UBOX5: variants seen among roughly 807,000 people sequenced by gnomAD.
UBOX5 encodes RING finger protein 37.
Under a neutral mutation model 39.0 loss-of-function variants are expected in UBOX5, and 28 were observed. That is an observed-to-expected ratio of 0.72 (90% CI 0.53 to 0.98). UBOX5 has a LOEUF of 0.98. UBOX5 is among the 50% of genes least tolerant of loss of function. The pLI is 0.00. For synonymous variants in UBOX5, 283 were observed against 275.5 expected, an observed-to-expected ratio of 1.03 and a Z score of -0.27; for missense variants, 585 against 674.4, an observed-to-expected ratio of 0.87 and a Z score of 1.47.
At position 3,149,816 on chromosome 20, in the gene UBOX5, A is replaced by C. The variant is rs2066606106; in HGVS notation, c.-42+9950T>G. The stretch of plus-strand genomic sequence containing the variant: ...GCAGATCACTTGAGGTCAGGAGTTC[A>C]AGACCAGCCTGGCCAACAAGGCGAA... On this transcript the variant is annotated intron_variant, in intron 1 of 4. Transcript: ENST00000217173. The surrounding 1 kb of genome is among the most constrained non-coding windows in gnomAD (Gnocchi z 4.1). Among the ~76,000 whole-genome samples the C allele has an allele frequency of 6.6e-6, 1 of 152,108 alleles. No individual in the cohort carries two copies. The highest frequency in any genetic ancestry group is 2.4e-5 in the African/African-American group (1 of 41,420).
chr20:3,128,716 A>T (rs569097451), intron 1 of UBOX5, among the ~76,000 whole-genome samples: 1 of 152,168 alleles, frequency 6.6e-6, no homozygotes, highest in Admixed American at 6.5e-5. Context: ...TAAAAAGATT[A>T]GTTAGGTGTG....
chr20:3,110,072 C>A lies in UBOX5; in HGVS notation c.*34G>T. 2 of 1,605,888 alleles carry A rather than the reference C, an allele frequency of 1.2e-6. No homozygotes were observed. The highest frequency in any genetic ancestry group is 4.5e-4 in the Middle Eastern group (2 of 4,446). The stretch of plus-strand genomic sequence containing the variant: ...GCTCCTGTTCCCCCTCAGCTCCTCC[C>A]AGCAATGGGTCTCCTCCAGTGGAGG... On this transcript the variant is annotated 3_prime_UTR_variant, in exon 5 of 5. Transcript: ENST00000217173.
Position 3,121,555 on chromosome 20 carries a change from G to C in UBOX5, c.1084C>G (p.Gln362Glu). The part of the protein sequence containing the change: ...VIPSSIVLPS[Q>E]KRKIEQAEHV... ...TCAGCCTGCTCTATCTTCCTTTTCT[G>C]AGAGGGCAGAACAATGGAAGAAGGG... The change falls in exon 3 of 5, where the codon CAG becomes GAG. Residue 362 changes from glutamine to glutamate, a missense_variant. Transcript: ENST00000217173. 1 of 1,609,668 alleles carries C rather than the reference G, an allele frequency of 6.2e-7. No homozygotes were observed. Among genetic ancestry groups the C allele is most frequent in the Non-Finnish European group, 8.5e-7 (1 of 1,177,830 alleles).
At chr20:3,133,770 A>G (rs2066448324) in intron 1 of UBOX5, among the ~76,000 whole-genome samples, 2 of 150,100 alleles carry the variant, frequency 1.3e-5, no homozygotes, top group Admixed American at 1.3e-4. Flanking sequence ...GGGGGGAAAC[A>G]GGCTCTCACT....
At chr20:3,143,698 G>C (rs2066537267) in intron 1 of UBOX5, among the ~76,000 whole-genome samples, 1 of 152,162 alleles carries the variant, frequency 6.6e-6, no homozygotes, top group Admixed American at 6.5e-5. Context: ...GGGAGGCTGG[G>C]CAGAGAACTG....
At chr20:3,151,984 A>G (rs1240940839) in intron 1 of UBOX5, 2 of 151,484 alleles carry the variant, frequency 1.3e-5, no homozygotes, top group Non-Finnish European at 2.9e-5. Flanking sequence ...ATGAGCGTGT[A>G]ATCCCAGCCA....
chr20:3,115,511 C>A, intron 3 of UBOX5, 45 bp from the exon 4 acceptor site: 1 of 1,556,906 alleles, frequency 6.4e-7, no homozygotes, highest in Non-Finnish European at 8.7e-7. Context: ...ACAGGCTCCG[C>A]AAAAGAGAAC....
chr20:3,135,588 G>A (rs1040885487), intron 1 of UBOX5, among the ~76,000 whole-genome samples: 2 of 152,074 alleles, frequency 1.3e-5, no homozygotes, highest in African/African-American at 2.4e-5. Context: ...TGAGAATTAA[G>A]AACTTAAATT....
chr20:3,110,469 C>T (rs2422845), intron 4 of UBOX5, 155 bp from the exon 5 acceptor site: 54 of 820,690 alleles, frequency 6.6e-5, no homozygotes, highest in Non-Finnish European at 1.0e-4. Flanking sequence ...GGAGTGGAAG[C>T]GGGAGAGGGA....
intron 1 of UBOX5, among the ~76,000 whole-genome samples, chr20:3,127,589 G>C (rs2066400570): frequency 6.6e-6 from 1 of 152,102 alleles, no homozygotes; most frequent in Non-Finnish European, 1.5e-5. Context: ...ACATCACCGA[G>C]AGCAAAGCTC....
chr20:3,127,171 T>A (rs1054189652), intron 1 of UBOX5, among the ~76,000 whole-genome samples: 3 of 151,750 alleles, frequency 2.0e-5, no homozygotes, highest in Non-Finnish European at 4.4e-5. Flanking sequence ...GGCAGACCTC[T>A]CCAGTGGAAC....
chr20:3,138,362 G>A (rs1954009476), intron 1 of UBOX5, among the ~76,000 whole-genome samples: 1 of 152,100 alleles, frequency 6.6e-6, no homozygotes, highest in Non-Finnish European at 1.5e-5. Context: ...ATAAATAGTT[G>A]GAGAGGTAAT....
intron 1 of UBOX5, among the ~76,000 whole-genome samples, chr20:3,157,221 T>G (rs763389953): frequency 2.6e-5 from 4 of 152,222 alleles, no homozygotes; most frequent in Non-Finnish European, 4.4e-5. Context: ...TAGCTGTTAA[T>G]GTGGATGTTA....
chr20:3,149,110 G>A lies in UBOX5; in HGVS notation c.-42+10656C>T. 6.4e-7 allele frequency: 1 copy of A among 1,562,664 alleles called. No homozygotes were observed. The highest frequency in any genetic ancestry group is 8.7e-7 in the Non-Finnish European group (1 of 1,154,936). ...TGATCTCTTTGGCAGTCAGAATACA[G>A]TCCTCACAGATTTGACCAGGCAATT... On this transcript the variant is annotated intron_variant, in intron 1 of 4. Transcript: ENST00000217173. This position sits in a 1 kb window ranked among gnomAD's most constrained non-coding sequence, Gnocchi z 4.1.
chr20:3,139,940 C>T (rs916966764), intron 1 of UBOX5, among the ~76,000 whole-genome samples: 1 of 151,648 alleles, frequency 6.6e-6, no homozygotes, highest in Non-Finnish European at 1.5e-5. Flanking sequence ...GAACTCCTGA[C>T]CTTGTCATCT....
At chr20:3,154,373 T>C (rs2066663493) in intron 1 of UBOX5, among the ~76,000 whole-genome samples, 1 of 152,160 alleles carries the variant, frequency 6.6e-6, no homozygotes, top group African/African-American at 2.4e-5. Flanking sequence ...GACAAAAAAG[T>C]TATACAAGAT....
chr20:3,141,743 T>C (rs2066518930), intron 1 of UBOX5, among the ~76,000 whole-genome samples: 1 of 152,340 alleles, frequency 6.6e-6, no homozygotes, highest in South Asian at 2.1e-4. Flanking sequence ...CCGGGAGTGG[T>C]GGCTCATGCC....
At chr20:3,123,836 T>TATCTTATTAA (rs2066356713) in intron 1 of UBOX5, among the ~76,000 whole-genome samples, 1 of 152,228 alleles carries the variant, frequency 6.6e-6, no homozygotes, top group Non-Finnish European at 1.5e-5. Flanking sequence ...TCAATGCAAT[T>TATCTTATTAA]ATGTTTTCTT....
At chr20:3,130,772 T>C (rs1358151623) in intron 1 of UBOX5, among the ~76,000 whole-genome samples, 1 of 151,864 alleles carries the variant, frequency 6.6e-6, no homozygotes, top group Admixed American at 6.6e-5. Context: ...ACATTTTCAG[T>C]TGTTTTTGCT....
Sources: gnomAD v4.1 joint callset for allele counts (sites outside exome capture counted in the v4.1 genomes callset) on GRCh38, gnomAD v4.1.1 for gene constraint, Gnocchi (gnomAD v3.1) non-coding constraint, MANE v1.5 for transcripts, NCBI Gene and HGNC (gene_info 2026-07-23, HGNC 2026-07-21) for gene names.